Variants in RALYL observed in about 807,000 individuals in gnomAD.
The protein encoded by RALYL is RNA-binding Raly-like protein.
In RALYL, 29 loss-of-function variants were observed where a neutral mutation model predicts 35.1. The ratio of observed to expected loss-of-function variants is 0.83; its 90% confidence interval spans 0.61 to 1.13. The LOEUF is 1.13. RALYL is among the 50% of genes most tolerant of loss of function. The probability of loss-of-function intolerance (pLI) is 0.00; values close to 1 mark genes in which losing one functional copy is unlikely to be tolerated. For missense variants in RALYL, 359 were observed against 360.4 expected (o/e 1.00, Z 0.03); for synonymous variants, 120 against 127.6 (o/e 0.94, Z 0.40).
chr8:84,203,864 G>GA (rs1586151651), intron 1 of RALYL, among the ~76,000 whole-genome samples: 2 of 152,024 alleles, frequency 1.3e-5, no homozygotes, highest in South Asian at 4.2e-4. Flanking sequence ...TGCCCTGGAT[G>GA]AAAAAAACAT....
intron 4 of RALYL, among the ~76,000 whole-genome samples, chr8:84,830,928 A>T (rs1830793829): frequency 6.6e-6 from 1 of 152,166 alleles, no homozygotes; most frequent in Non-Finnish European, 1.5e-5. Flanking sequence ...ACCAGATGCA[A>T]TACAATGCCC....
rs527299396 is a variant in RALYL at position 84,844,389 on chromosome 8, C to T, written c.366-5591C>T. ...AAAAATGCTCACCATCACTGGCCAT[C>T]AGAGAAATGCAAATCAAAACCACAA... On this transcript the variant is annotated intron_variant, in intron 4 of 8. Transcript: ENST00000521268. Among the ~76,000 whole-genome samples the T allele has an allele frequency of 2.5e-3, 383 of 152,232 alleles. 1 individual carries two copies. The highest frequency in any genetic ancestry group is 4.7e-3 in the Non-Finnish European group (317 of 67,990).
intron 2 of RALYL, among the ~76,000 whole-genome samples, chr8:84,733,569 CAT>C (rs1400697816): frequency 1.3e-5 from 2 of 152,096 alleles, no homozygotes; most frequent in Admixed American, 6.6e-5. Flanking sequence ...AAAATAATAA[CAT>C]GTCATTTATA....
chr8:84,638,884 A>G (rs1438182272), intron 2 of RALYL, among the ~76,000 whole-genome samples: 3 of 37,674 alleles, frequency 8.0e-5, no homozygotes, highest in Non-Finnish European at 1.9e-4. Context: ...ATATATATAT[A>G]TATATATATA....
intron 1 of RALYL, among the ~76,000 whole-genome samples, chr8:84,453,267 A>G (rs941289132): frequency 3.9e-5 from 6 of 151,948 alleles, no homozygotes; most frequent in Non-Finnish European, 8.8e-5. Flanking sequence ...GCTTAATAGC[A>G]CATATAATTC....
intron 1 of RALYL, among the ~76,000 whole-genome samples, chr8:84,412,248 A>G (rs2044179356): frequency 6.6e-6 from 1 of 151,958 alleles, no homozygotes; most frequent in African/African-American, 2.4e-5. Context: ...GTGTCAGGTT[A>G]TCAGAGGGGA....
intron 1 of RALYL, among the ~76,000 whole-genome samples, chr8:84,202,008 C>T (rs763974748): frequency 3.9e-5 from 6 of 151,970 alleles, no homozygotes; most frequent in Non-Finnish European, 7.4e-5. Context: ...AATGGTTATA[C>T]AGCATTCCAT....
intron 2 of RALYL, among the ~76,000 whole-genome samples, chr8:84,747,709 A>G (rs1221328438): frequency 6.6e-6 from 1 of 152,000 alleles, no homozygotes; most frequent in East Asian, 1.9e-4. Context: ...AAATAATAAT[A>G]GTGACTTGAC....
intron 2 of RALYL, among the ~76,000 whole-genome samples, chr8:84,729,632 G>T (rs1447731195): frequency 6.6e-6 from 1 of 152,036 alleles, no homozygotes; most frequent in South Asian, 2.1e-4. Context: ...TTGTTAGACC[G>T]CTAGCAAGAC....
At chr8:84,540,759 G>A (rs2059967766) in intron 2 of RALYL, among the ~76,000 whole-genome samples, 1 of 151,746 alleles carries the variant, frequency 6.6e-6, no homozygotes, top group African/African-American at 2.4e-5. Context: ...CATAACATTT[G>A]GATAATCCAT....
chr8:84,709,018 T>G (rs905795436), intron 2 of RALYL, among the ~76,000 whole-genome samples: 5 of 152,182 alleles, frequency 3.3e-5, no homozygotes, highest in African/African-American at 1.2e-4. Flanking sequence ...TAATAATATC[T>G]TTGGGTGAGC....
At chr8:84,357,268 C>T (rs1852023285) in intron 1 of RALYL, among the ~76,000 whole-genome samples, 2 of 152,020 alleles carry the variant, frequency 1.3e-5, no homozygotes, top group South Asian at 4.1e-4. Context: ...GTATAATTTA[C>T]ATACTATACA....
At chr8:84,709,522 T>C (rs908285515) in intron 2 of RALYL, among the ~76,000 whole-genome samples, 4 of 152,084 alleles carry the variant, frequency 2.6e-5, no homozygotes. Flanking sequence ...GGTGGTGTAC[T>C]GCATTTGTAA....
At chr8:84,187,906 A>G (rs2130828286) in intron 1 of RALYL, among the ~76,000 whole-genome samples, 1 of 152,136 alleles carries the variant, frequency 6.6e-6, no homozygotes, top group Non-Finnish European at 1.5e-5. Flanking sequence ...GTAAGCAACT[A>G]ATTAAGCAGG....
Position 84,339,563 on chromosome 8 carries a change from A to G in RALYL, c.-24+155139A>G, listed in dbSNP as rs116988698. On this transcript the variant is annotated intron_variant, in intron 1 of 8. Coordinates refer to ENST00000521268, the MANE Select transcript of RALYL (RefSeq NM_173848.7). ...TGGTGAATTGTAGAACTATTTTATT[A>G]TATATTACAATGTAATAATAATAGA... Among the ~76,000 whole-genome samples the G allele has an allele frequency of 3.9e-3, 593 of 152,020 alleles. 13 individuals carry two copies. Among genetic ancestry groups the G allele is most frequent in the Middle Eastern group, 0.017 (5 of 294 alleles).
chr8:84,756,965 C>A (rs1051413608), intron 2 of RALYL, among the ~76,000 whole-genome samples: 1 of 151,980 alleles, frequency 6.6e-6, no homozygotes, highest in South Asian at 2.1e-4. Flanking sequence ...GTGAACACAC[C>A]ATTTTTATTT....
At position 84,913,032 on chromosome 8, in the gene RALYL, A is replaced by ATAGG. The variant is rs1554650722; in HGVS notation, c.859-7854_859-7851dup. 8.9e-3 allele frequency among the ~76,000 whole-genome samples: 972 copies of ATAGG among 109,044 alleles called. 21 individuals carry two copies. Among genetic ancestry groups the ATAGG allele is most frequent in the African/African-American group, 0.023 (636 of 27,658 alleles). 71.5% of individuals were successfully genotyped at this position (109,044 alleles called of 152,430 possible). The stretch of plus-strand genomic sequence containing the variant: ...GATGGATGGATGGATGGATGGATGG[A>ATAGG]TAGGTAGGTAGATAGATAGATAGAT... On this transcript the variant is annotated intron_variant, in intron 8 of 8. Coordinates refer to ENST00000521268, the MANE Select transcript of RALYL (RefSeq NM_173848.7).
Position 84,199,765 on chromosome 8 carries a change from A to G in RALYL, c.-24+15341A>G, listed in dbSNP as rs550155724. Among the ~76,000 whole-genome samples the G allele has an allele frequency of 1.1e-4, 17 of 152,252 alleles. No individual in the cohort carries two copies. The South Asian group carries it at 2.1e-3, about 19-fold the overall frequency. Reference sequence around the variant, plus strand: ...TATTAAAGAAACTGTCTTTTCCCCAATGCATGTTCTTGGCACCTTTGTCGA... The same window carrying G: ...TATTAAAGAAACTGTCTTTTCCCCAGTGCATGTTCTTGGCACCTTTGTCGA... On this transcript the variant is annotated intron_variant, in intron 1 of 8. Coordinates refer to ENST00000521268, the MANE Select transcript of RALYL (RefSeq NM_173848.7).
At chr8:84,866,486 A>G (rs1839197495) in intron 6 of RALYL, among the ~76,000 whole-genome samples, 3 of 152,312 alleles carry the variant, frequency 2.0e-5, no homozygotes, top group Admixed American at 2.0e-4. Context: ...AGCAGTTAAG[A>G]GTATTAAATA....
Sources: allele counts gnomAD v4.1 joint callset (sites outside exome capture counted in the v4.1 genomes callset), GRCh38; gene constraint gnomAD v4.1.1; transcripts MANE v1.5; gene names NCBI Gene and HGNC (gene_info 2026-07-23, HGNC 2026-07-21).